SCIN: variants seen among roughly 807,000 people sequenced by gnomAD.
SCIN encodes scinderin.
In SCIN, 91 loss-of-function variants were observed where a neutral mutation model predicts 91.8. The ratio of observed to expected loss-of-function variants is 0.99; its 90% CI spans 0.84 to 1.18. The LOEUF is 1.18. Ranked by LOEUF, SCIN falls within the 50% of genes most tolerant of loss-of-function variation. SCIN has a pLI of 0.00. For missense variants in SCIN, 1,087 were observed against 863.9 expected (o/e 1.26, Z -3.24); for synonymous variants, 367 against 312.6 (o/e 1.17, Z -1.84).
intron 3 of SCIN, among the ~76,000 whole-genome samples, chr7:12,600,396 A>G (rs886452297): frequency 6.6e-5 from 10 of 152,220 alleles, no homozygotes; most frequent in African/African-American, 2.4e-4. Context: ...CATTGGGTAC[A>G]GTGTAAACTG....
At chr7:12,622,253 G>A (rs896303160) in intron 4 of SCIN, among the ~76,000 whole-genome samples, 3 of 152,028 alleles carry the variant, frequency 2.0e-5, no homozygotes, top group African/African-American at 4.8e-5. Flanking sequence ...CTTACTCTGC[G>A]TATACTATGT....
At chr7:12,621,886 A>G (rs1409788436) in intron 4 of SCIN, among the ~76,000 whole-genome samples, 2 of 151,878 alleles carry the variant, frequency 1.3e-5, no homozygotes, top group African/African-American at 4.8e-5. Context: ...TTTTTATGCA[A>G]TATATTGTAA....
chr7:12,644,355 A>T (rs1783916041), intron 12 of SCIN, 40 bp downstream of exon 12: 2 of 1,536,828 alleles, frequency 1.3e-6, no homozygotes, highest in African/African-American at 2.8e-5. Flanking sequence ...TAGAATTTAT[A>T]CTGATACGAT....
chr7:12,578,208 T>A lies in SCIN; in HGVS notation c.344T>A (p.Leu115Gln), dbSNP rs1219502015. The change falls in exon 2 of 16, where the codon CTG becomes CAG. Residue 115 changes from leucine to glutamine, a missense_variant. By Grantham distance (113) the Leu-to-Gln change is moderately radical (BLOSUM62 -2). Coordinates refer to ENST00000297029, the MANE Select transcript of SCIN (RefSeq NM_001112706.3). ...TTTGTTAGCTATTTCAAAGGCGGTC[T>A]GAAATACAAGGTAAGCAGCTCCCTC... is the stretch of plus-strand genomic sequence containing the variant. ...NDFVSYFKGG[L>Q]KYKAGGVASG... 6.5e-7 allele frequency: 1 copy of A among 1,546,748 alleles called. No individual in the cohort carries two copies. The highest frequency in any genetic ancestry group is 1.2e-5 in the South Asian group (1 of 82,958).
At chr7:12,586,859 A>C (rs994554249) in intron 3 of SCIN, among the ~76,000 whole-genome samples, 1 of 152,176 alleles carries the variant, frequency 6.6e-6, no homozygotes, top group African/African-American at 2.4e-5. Flanking sequence ...TCTCACTCAA[A>C]TGCAGGGACT....
rs148041033 is a variant in SCIN at position 12,579,924 on chromosome 7, G to A, written c.355-1136G>A. On this transcript the variant is annotated intron_variant, in intron 2 of 15. Transcript: ENST00000297029. ...AGTGAAACTCTGTCTCAAAACAGGA[G>A]TACATAGATGAAAACTTGTATTTAT... Among the ~76,000 whole-genome samples the A allele has an allele frequency of 6.0e-3, 916 of 152,220 alleles. 8 individuals carry two copies. The highest frequency in any genetic ancestry group is 0.02 in the African/African-American group (851 of 41,552).
At chr7:12,600,032 T>C (rs1747335175) in intron 3 of SCIN, among the ~76,000 whole-genome samples, 2 of 152,224 alleles carry the variant, frequency 1.3e-5, no homozygotes, top group South Asian at 2.1e-4. Context: ...CCTATCTATT[T>C]ACCTTTGTTT....
intron 3 of SCIN, among the ~76,000 whole-genome samples, chr7:12,586,110 A>G (rs542784388): frequency 1.3e-5 from 2 of 152,290 alleles, no homozygotes; most frequent in South Asian, 2.1e-4. Context: ...TTTCTAAAAT[A>G]TAAAGCCTAC....
rs141998583 is a variant in SCIN at position 12,594,206 on chromosome 7, G to A, written c.517-10308G>A. ...GAGAGTGGGGGAGAGGGGTAGAGCC[G>A]GAGCAGGGACATACGGTGGAGGATC... On this transcript the variant is annotated intron_variant, in intron 3 of 15. Transcript: ENST00000297029. Among the ~76,000 whole-genome samples, 38 of 152,042 alleles carry A rather than the reference G, an allele frequency of 2.5e-4. No individual in the cohort carries two copies. In the East Asian group the frequency reaches 6.3e-3, roughly 25 times the overall value.
chr7:12,605,572 C>A (rs1381630596), intron 4 of SCIN, among the ~76,000 whole-genome samples: 1 of 152,002 alleles, frequency 6.6e-6, no homozygotes, highest in South Asian at 2.1e-4. Context: ...ATATGCACAG[C>A]CTGAAGATAA....
At chr7:12,644,049 G>C in intron 11 of SCIN, 89 bp from the exon 12 acceptor site, 1 of 1,192,216 alleles carries the variant, frequency 8.4e-7, no homozygotes, top group Non-Finnish European at 1.2e-6. Flanking sequence ...GGCGATGTAT[G>C]GTTTGCCACA....
chr7:12,613,322 C>T (rs1403810868), intron 4 of SCIN, among the ~76,000 whole-genome samples: 1 of 152,104 alleles, frequency 6.6e-6, no homozygotes, highest in Non-Finnish European at 1.5e-5. Flanking sequence ...TTCAGTGATT[C>T]ATGATTTCTT....
intron 4 of SCIN, among the ~76,000 whole-genome samples, chr7:12,622,588 A>G (rs753032059): frequency 1.3e-5 from 2 of 152,134 alleles, no homozygotes; most frequent in African/African-American, 4.8e-5. Context: ...GAGGTTGCAA[A>G]CAAGCAACCT....
chr7:12,574,967 T>G (rs1314709319), intron 1 of SCIN, among the ~76,000 whole-genome samples: 1 of 152,174 alleles, frequency 6.6e-6, no homozygotes, highest in Non-Finnish European at 1.5e-5. Flanking sequence ...TTAAAATCCA[T>G]GAACACTAAG....
intron 9 of SCIN, among the ~76,000 whole-genome samples, chr7:12,630,709 C>A: frequency 6.6e-6 from 1 of 152,172 alleles, no homozygotes; most frequent in Admixed American, 6.5e-5. Flanking sequence ...TTTTTTATTT[C>A]TTTCCAAAAA....
chr7:12,650,900 G>A (rs961364985), intron 14 of SCIN, among the ~76,000 whole-genome samples: 2 of 152,098 alleles, frequency 1.3e-5, no homozygotes, highest in Non-Finnish European at 2.9e-5. Context: ...AGCTCTACAC[G>A]TGGTCTACAT....
chr7:12,597,677 CA>C (rs1304244878), intron 3 of SCIN, among the ~76,000 whole-genome samples: 1 of 152,198 alleles, frequency 6.6e-6, no homozygotes, highest in African/African-American at 2.4e-5. Context: ...CTCCCCTCCC[CA>C]AATGTGGTTG....
chr7:12,577,104 A>C (rs1782388507), intron 1 of SCIN, among the ~76,000 whole-genome samples: 1 of 152,196 alleles, frequency 6.6e-6, no homozygotes, highest in African/African-American at 2.4e-5. Flanking sequence ...GTGAAAATTA[A>C]ATGTATGTTG....
In SCIN at chr7:12,652,637, A is replaced by G; in HGVS notation, c.2070A>G (p.Pro690=). The G allele has an allele frequency of 6.2e-7, 1 of 1,612,194 alleles. No homozygotes were observed. The highest frequency in any genetic ancestry group is 8.5e-7 in the Non-Finnish European group (1 of 1,179,342). ...TDPSGRDKRT[P]IVIIKQGHEP... is the part of the protein sequence containing the mutation. Reference sequence around the variant, plus strand: ...CTTCTGGAAGAGACAAGAGGACACCAATTGTCATCATAAAACAGGGCCATG... The same window carrying G: ...CTTCTGGAAGAGACAAGAGGACACCGATTGTCATCATAAAACAGGGCCATG... The change falls in exon 16 of 16, where the codon CCA becomes CCG. Residue 690 remains proline (P), a synonymous_variant. Transcript: ENST00000297029.
Sources: gnomAD v4.1 joint callset for allele counts (sites outside exome capture counted in the v4.1 genomes callset) on GRCh38, gnomAD v4.1.1 for gene constraint, MANE v1.5 for transcripts, NCBI Gene and HGNC (gene_info 2026-07-23, HGNC 2026-07-21) for gene names.